The following SLC5A4 variants were observed in gnomAD, a reference collection of about 807,000 sequenced individuals.
SLC5A4 encodes the protein probable glucose sensor protein SLC5A4.
SLC5A4 carries 55 observed loss-of-function variants against 70.3 expected under a neutral mutation model. The observed-to-expected ratio is 0.78, with a 90% CI of 0.63 to 0.98. The LOEUF is 0.98. Ranked by LOEUF, SLC5A4 falls within the 50% of genes least tolerant of loss-of-function variation. The pLI is 0.00. For synonymous variants in SLC5A4, 268 were observed against 305.7 expected (o/e 0.88, Z 1.29); for missense variants, 735 against 839.2 (o/e 0.88, Z 1.53).
At chr22:32,264,188 A>T in the SLC5A4 span, among the ~76,000 whole-genome samples, 4 of 123,146 alleles carry the variant, frequency 3.2e-5, no homozygotes, top group African/African-American at 9.6e-5. Context: ...AAAGTATAAT[A>T]AAAAAAAAAT....
the SLC5A4 span, among the ~76,000 whole-genome samples, chr22:32,266,963 TGTGA>T: frequency 4.6e-5 from 7 of 152,360 alleles, no homozygotes; most frequent in African/African-American, 1.7e-4. Flanking sequence ...AGGAAAGACC[TGTGA>T]GTAAGTTTGA....
At chr22:32,260,731 A>G in the SLC5A4 span, among the ~76,000 whole-genome samples, 5 of 152,154 alleles carry the variant, frequency 3.3e-5, no homozygotes, top group Non-Finnish European at 5.9e-5. Flanking sequence ...ACAAACTATT[A>G]AAAATCGGAA....
the SLC5A4 span, among the ~76,000 whole-genome samples, chr22:32,297,486 G>A: frequency 7.8e-6 from 1 of 127,416 alleles, no homozygotes; most frequent in African/African-American, 3.0e-5. Flanking sequence ...ATTTCTGTGG[G>A]ATCGGTGGTG....
At chr22:32,316,654 T>C in the SLC5A4 span, among the ~76,000 whole-genome samples, 8 of 152,084 alleles carry the variant, frequency 5.3e-5, no homozygotes, top group African/African-American at 1.9e-4. Context: ...CTCAGCCTCC[T>C]GAGTAGCTGG....
chr22:32,312,368 C>G, the SLC5A4 span, among the ~76,000 whole-genome samples: 6 of 102,356 alleles, frequency 5.9e-5, no homozygotes, highest in Admixed American at 4.1e-4. Context: ...CGCGCGCGCA[C>G]ACACACACAC....
chr22:32,274,021 A>G, the SLC5A4 span, among the ~76,000 whole-genome samples: 1 of 151,658 alleles, frequency 6.6e-6, no homozygotes, highest in East Asian at 1.9e-4. Flanking sequence ...CACTTTTGGC[A>G]TGTTAACATT....
chr22:32,348,398 C>T, the SLC5A4 span, among the ~76,000 whole-genome samples: 9 of 152,284 alleles, frequency 5.9e-5, no homozygotes, highest in East Asian at 1.2e-3. Flanking sequence ...CCAGGCCTGG[C>T]CTTCTGTGCT....
chr22:32,222,722 TC>T (rs955725608), intron 13 of SLC5A4, among the ~76,000 whole-genome samples: 4 of 152,188 alleles, frequency 2.6e-5, no homozygotes, highest in African/African-American at 9.6e-5. Flanking sequence ...ATTTCAGGTT[TC>T]CCATCCACAC....
the SLC5A4 span, among the ~76,000 whole-genome samples, chr22:32,293,570 C>T: frequency 6.6e-6 from 1 of 152,026 alleles, no homozygotes; most frequent in Non-Finnish European, 1.5e-5. Flanking sequence ...TTAATTTATA[C>T]CCCTCCTGTG....
Position 32,218,721 on chromosome 22 carries a change from AT to A in SLC5A4, c.1772del (p.Tyr591PhefsTer25), listed in dbSNP as rs1924878539. 3 of 1,613,084 alleles carry A rather than the reference AT, an allele frequency of 1.9e-6. No individual in the cohort carries two copies. ...TGAGGCATCCACGTGATTTCTCAGGATAATCTGGAACAAAGATAAGCAAATG... is the reference window on the plus strand; with the variant it reads ...TGAGGCATCCACGTGATTTCTCAGGAAATCTGGAACAAAGATAAGCAAATG... ...EETDDGVEED[Y>X]PEKSRGCLKK... On this transcript the variant is annotated frameshift_variant, in exon 15 of 15. Coordinates refer to ENST00000266086, the MANE Select transcript of SLC5A4 (RefSeq NM_014227.3). LOFTEE classifies it low-confidence loss of function (END_TRUNC).
At chr22:32,309,447 A>T in the SLC5A4 span, among the ~76,000 whole-genome samples, 1 of 152,172 alleles carries the variant, frequency 6.6e-6, no homozygotes, top group Non-Finnish European at 1.5e-5. Flanking sequence ...TAGGCAGCTT[A>T]AAAAATCAGG....
chr22:32,351,488 G>C, the SLC5A4 span, among the ~76,000 whole-genome samples: 1 of 151,528 alleles, frequency 6.6e-6, no homozygotes, highest in Admixed American at 6.6e-5. Flanking sequence ...AAGATCACAA[G>C]GTCAGGAGTT....
the SLC5A4 span, among the ~76,000 whole-genome samples, chr22:32,326,270 ATTTTT>A: frequency 7.4e-6 from 1 of 135,364 alleles, no homozygotes; most frequent in South Asian, 2.4e-4. Flanking sequence ...GCCTTCACGT[ATTTTT>A]TTTTTTTTTT....
the SLC5A4 span, among the ~76,000 whole-genome samples, chr22:32,347,751 TG>T: frequency 6.6e-6 from 1 of 151,284 alleles, no homozygotes; most frequent in Non-Finnish European, 1.5e-5. Flanking sequence ...ATATACCTAA[TG>T]CTAAATGACG....
the SLC5A4 span, among the ~76,000 whole-genome samples, chr22:32,291,468 C>G: frequency 1.3e-5 from 2 of 152,162 alleles, no homozygotes. Flanking sequence ...TGAGGCACTG[C>G]GCCGGGGTCA....
At chr22:32,309,361 C>CCT in the SLC5A4 span, among the ~76,000 whole-genome samples, 1 of 152,166 alleles carries the variant, frequency 6.6e-6, no homozygotes, top group East Asian at 1.9e-4. Flanking sequence ...GACATCTTAT[C>CCT]CTCTTGTGTT....
chr22:32,334,380 G>A, the SLC5A4 span, among the ~76,000 whole-genome samples: 4 of 152,006 alleles, frequency 2.6e-5, no homozygotes, highest in African/African-American at 9.7e-5. Flanking sequence ...TCAGACCCTC[G>A]AGTTGTCCTC....
intron 5 of SLC5A4, among the ~76,000 whole-genome samples, chr22:32,240,335 C>T (rs1259549666): frequency 6.6e-6 from 1 of 152,038 alleles, no homozygotes; most frequent in Non-Finnish European, 1.5e-5. Flanking sequence ...CTAAGGCAAA[C>T]ATATTTCAGT....
chr22:32,297,410 A>G, the SLC5A4 span, among the ~76,000 whole-genome samples: 3 of 150,634 alleles, frequency 2.0e-5, no homozygotes, highest in South Asian at 2.1e-4. Flanking sequence ...GAATTTATCC[A>G]TTTCTTCTAG....
Sources: allele counts gnomAD v4.1 joint callset (sites outside exome capture counted in the v4.1 genomes callset), GRCh38; gene constraint gnomAD v4.1.1; transcripts MANE v1.5; gene names NCBI Gene and HGNC (gene_info 2026-07-23, HGNC 2026-07-21).